Variants in EPHA6 observed in about 807,000 individuals in gnomAD.
EPHA6 encodes EPH receptor A6, also known as ephrin type-A receptor 6.
Under a neutral mutation model 112.0 loss-of-function variants are expected in EPHA6, and 50 were observed. The observed-to-expected ratio is 0.45, with a 90% confidence interval of 0.36 to 0.56. The LOEUF (loss-of-function observed/expected upper bound fraction) is 0.56, where lower values mean the gene tolerates loss of function less well. EPHA6 is among the 20% of genes least tolerant of loss of function. The pLI, the probability that EPHA6 is intolerant of heterozygous loss-of-function variation, is 0.00. For synonymous variants in EPHA6, 529 were observed against 490.7 expected (o/e 1.08, Z -1.03); for missense variants, 1,280 against 1,417.4 (o/e 0.90, Z 1.56).
intron 14 of EPHA6, among the ~76,000 whole-genome samples, chr3:97,641,704 T>C (rs996410196): frequency 6.6e-6 from 1 of 152,158 alleles, no homozygotes; most frequent in Non-Finnish European, 1.5e-5. Flanking sequence ...ATCGGGTCAC[T>C]CCCACCCGAA....
At position 97,020,506 on chromosome 3, in the gene EPHA6, A is replaced by T. The variant is rs1268260355; in HGVS notation, c.1114+32513A>T. On this transcript the variant is annotated intron_variant, in intron 3 of 17. Transcript: ENST00000389672. ...TTGGAGCATAGATGAAGAGTCAAGAAAATGCAGGATGGAGAGACAGAGCTA... is the reference window on the plus strand; with the variant it reads ...TTGGAGCATAGATGAAGAGTCAAGATAATGCAGGATGGAGAGACAGAGCTA... Among the ~76,000 whole-genome samples the T allele has an allele frequency of 2.0e-5, 3 of 152,200 alleles. No individual in the cohort carries two copies. The East Asian group carries it at 5.8e-4, about 29-fold the overall frequency.
At chr3:97,656,155 C>T (rs1398934113) in intron 14 of EPHA6, among the ~76,000 whole-genome samples, 1 of 151,786 alleles carries the variant, frequency 6.6e-6, no homozygotes, top group African/African-American at 2.4e-5. Flanking sequence ...AGGTAGCCTT[C>T]TGTTTGGTAT....
At chr3:97,407,293 T>A (rs2087413731) in intron 6 of EPHA6, among the ~76,000 whole-genome samples, 1 of 151,952 alleles carries the variant, frequency 6.6e-6, no homozygotes, top group Admixed American at 6.6e-5. Context: ...ATTATCTTAA[T>A]GTTATCCTAT....
At chr3:96,966,922 G>A (rs539416556) in intron 2 of EPHA6, among the ~76,000 whole-genome samples, 3 of 151,814 alleles carry the variant, frequency 2.0e-5, no homozygotes, top group South Asian at 2.1e-4. Context: ...GACTTCTAAC[G>A]TAAGCTTCTT....
intron 3 of EPHA6, among the ~76,000 whole-genome samples, chr3:97,107,421 A>C (rs955584904): frequency 6.6e-6 from 1 of 151,942 alleles, no homozygotes; most frequent in Non-Finnish European, 1.5e-5. Context: ...CACTTTCCTC[A>C]TTTCATTTCT....
intron 14 of EPHA6, among the ~76,000 whole-genome samples, chr3:97,706,887 T>C (rs888687117): frequency 7.9e-5 from 12 of 152,042 alleles, no homozygotes; most frequent in Admixed American, 7.2e-4. Flanking sequence ...TACATCAATG[T>C]TTCTCTTACT....
chr3:97,247,750 A>G (rs959916486), intron 5 of EPHA6, among the ~76,000 whole-genome samples: 18 of 152,092 alleles, frequency 1.2e-4, no homozygotes, highest in Non-Finnish European at 1.9e-4. Flanking sequence ...AACAAGTTAA[A>G]GAATCAGCCA....
chr3:97,055,727 A>G (rs573469675), intron 3 of EPHA6, among the ~76,000 whole-genome samples: 2 of 152,284 alleles, frequency 1.3e-5, no homozygotes, highest in East Asian at 1.9e-4. Context: ...GACTATAAGT[A>G]TATTAAATAG....
At chr3:97,539,030 T>TC (rs1553805978) in intron 11 of EPHA6, among the ~76,000 whole-genome samples, 2 of 145,630 alleles carry the variant, frequency 1.4e-5, no homozygotes, top group African/African-American at 5.3e-5. Context: ...TTTCTTTCTT[T>TC]CTTTCTTGCT....
At chr3:97,422,137 CAAAAA>C (rs34312259) in intron 6 of EPHA6, among the ~76,000 whole-genome samples, 246 of 103,422 alleles carry the variant, frequency 2.4e-3, no homozygotes, top group African/African-American at 7.4e-3. Context: ...AATAGTCTCT[CAAAAA>C]AAAAAAAAAA....
chr3:97,706,637 T>A (rs530374433), intron 14 of EPHA6, among the ~76,000 whole-genome samples: 1 of 152,304 alleles, frequency 6.6e-6, no homozygotes, highest in South Asian at 2.1e-4. Context: ...CTGTGAACTT[T>A]GTTTTCTCTG....
intron 2 of EPHA6, among the ~76,000 whole-genome samples, chr3:96,910,524 A>G (rs2039161819): frequency 6.6e-6 from 1 of 152,080 alleles, no homozygotes; most frequent in Non-Finnish European, 1.5e-5. Context: ...CCAAGTGGCT[A>G]AGCCCAGCTT....
chr3:97,458,061 C>A (rs1165612074), intron 7 of EPHA6, among the ~76,000 whole-genome samples: 1 of 114,988 alleles, frequency 8.7e-6, no homozygotes, highest in African/African-American at 3.5e-5. Context: ...GTGCGAGACT[C>A]CGTCTCAAAA....
intron 5 of EPHA6, among the ~76,000 whole-genome samples, chr3:97,351,117 CA>C (rs1274372999): frequency 6.6e-6 from 1 of 152,012 alleles, no homozygotes; most frequent in Non-Finnish European, 1.5e-5. Flanking sequence ...TACAAGGGAC[CA>C]AAAAAATGGC....
chr3:96,839,498 G>A (rs891643785), intron 1 of EPHA6, among the ~76,000 whole-genome samples: 2 of 152,006 alleles, frequency 1.3e-5, no homozygotes, highest in Non-Finnish European at 2.9e-5. Context: ...AAAAGTTTGA[G>A]GACCGCTGCC....
In EPHA6 at chr3:97,750,254, A is replaced by G. The variant is rs1166621953; in HGVS notation, c.*1553A>G. 6.6e-6 allele frequency among the ~76,000 whole-genome samples: 1 copy of G among 151,608 alleles called. No homozygotes were observed. Among genetic ancestry groups the G allele is most frequent in the Non-Finnish European group, 1.5e-5 (1 of 67,904 alleles). ...GTGATAATGGTGCCCTACCTACCCT[A>G]ATTCTCAAATTCCTATCTAAATTCA... is the stretch of plus-strand genomic sequence containing the variant. On this transcript the variant is annotated 3_prime_UTR_variant, in exon 18 of 18. Transcript: ENST00000389672.
At position 97,404,873 on chromosome 3, in the gene EPHA6, A is replaced by G. The variant is rs572611849; in HGVS notation, c.1607-277A>G. Among the ~76,000 whole-genome samples, 5 of 152,136 alleles carry G rather than the reference A, an allele frequency of 3.3e-5. No homozygotes were observed. The South Asian group carries it at 8.3e-4, about 25-fold the overall frequency. ...AAGACCAAAACCATTTTAAAGAAAA[A>G]TATCCTCCCCTAATAATACCAAAGA... On this transcript the variant is annotated intron_variant, in intron 5 of 17. Coordinates refer to ENST00000389672, the MANE Select transcript of EPHA6 (RefSeq NM_001080448.3).
chr3:97,647,870 G>T (rs1179689810), intron 14 of EPHA6, among the ~76,000 whole-genome samples: 2 of 152,012 alleles, frequency 1.3e-5, no homozygotes, highest in African/African-American at 4.8e-5. Context: ...TAAGCCTCTT[G>T]GCTCTCAATT....
At chr3:96,954,509 T>G (rs944284020) in intron 2 of EPHA6, among the ~76,000 whole-genome samples, 14 of 152,138 alleles carry the variant, frequency 9.2e-5, no homozygotes, top group Admixed American at 9.2e-4. Context: ...TTCATGCTCT[T>G]ACCCCAGATT....
Sources: gnomAD v4.1 joint callset for allele counts (sites outside exome capture counted in the v4.1 genomes callset) on GRCh38, gnomAD v4.1.1 for gene constraint, MANE v1.5 for transcripts, NCBI Gene and HGNC (gene_info 2026-07-23, HGNC 2026-07-21) for gene names.